The following FNDC3A variants were observed in gnomAD, a reference collection of about 807,000 sequenced individuals.
FNDC3A encodes fibronectin type III domain containing 3A, also known as fibronectin type-III domain-containing protein 3A.
In FNDC3A, 32 loss-of-function variants were observed where a neutral mutation model predicts 148.9. That is an observed-to-expected ratio of 0.21 (90% confidence interval 0.16 to 0.29). The LOEUF (loss-of-function observed/expected upper bound fraction) is 0.29. FNDC3A is among the 10% of genes least tolerant of loss of function. The pLI is 1.00. For missense variants in FNDC3A, 1,191 were observed against 1,452.8 expected, an observed-to-expected ratio of 0.82 and a Z score of 2.93; for synonymous variants, 472 against 473.6, an observed-to-expected ratio of 1.00 and a Z score of 0.04.
chr13:49,015,881 T>C (rs1226780996), intron 2 of FNDC3A, among the ~76,000 whole-genome samples: 10 of 151,346 alleles, frequency 6.6e-5, no homozygotes, highest in South Asian at 2.1e-4. Flanking sequence ...TTGTCTTTGG[T>C]TCTGTTTATA....
At chr13:49,086,460 A>G (rs1878822014) in intron 3 of FNDC3A, among the ~76,000 whole-genome samples, 1 of 152,196 alleles carries the variant, frequency 6.6e-6, no homozygotes, top group South Asian at 2.1e-4. Flanking sequence ...TACTAATTAC[A>G]TACCATGTCT....
At chr13:49,100,244 G>A (rs1292063576) in intron 3 of FNDC3A, among the ~76,000 whole-genome samples, 1 of 151,986 alleles carries the variant, frequency 6.6e-6, no homozygotes, top group Non-Finnish European at 1.5e-5. Flanking sequence ...CTCCCTCAGT[G>A]TAATTAAAAT....
chr13:49,074,226 C>T (rs1219079217), intron 2 of FNDC3A, among the ~76,000 whole-genome samples: 2 of 152,060 alleles, frequency 1.3e-5, no homozygotes, highest in Non-Finnish European at 2.9e-5. Context: ...TCCTTTATCC[C>T]TCACACTCCC....
chr13:49,095,422 A>G (rs1156819965), intron 3 of FNDC3A: 1 of 152,032 alleles, frequency 6.6e-6, no homozygotes, highest in Non-Finnish European at 1.5e-5. Flanking sequence ...GTTTACAACT[A>G]ATTGATCACA....
intron 25 of FNDC3A, among the ~76,000 whole-genome samples, chr13:49,205,900 A>G (rs1886621965): frequency 1.3e-5 from 2 of 152,198 alleles, no homozygotes; most frequent in Admixed American, 1.3e-4. Flanking sequence ...AATGAGACAG[A>G]GATCTTACTT....
chr13:49,024,457 A>G (rs894107549), intron 2 of FNDC3A, among the ~76,000 whole-genome samples: 2 of 152,062 alleles, frequency 1.3e-5, no homozygotes, highest in Non-Finnish European at 2.9e-5. Context: ...CCTGATGGAC[A>G]TAGACACAAA....
intron 2 of FNDC3A, among the ~76,000 whole-genome samples, chr13:49,045,301 G>A (rs905689900): frequency 2.6e-5 from 4 of 151,762 alleles, no homozygotes; most frequent in Admixed American, 6.6e-5. Context: ...CTACAAGTGC[G>A]TGCCACCACG....
chr13:48,975,416 G>A (rs1951581015), upstream of FNDC3A: 3 of 152,180 alleles, frequency 2.0e-5, no homozygotes, highest in Admixed American at 6.5e-5. Flanking sequence ...ATTTTTGCTT[G>A]CTATCCAGAT....
At chr13:49,153,834 T>C (rs1883476086) in intron 8 of FNDC3A, among the ~76,000 whole-genome samples, 1 of 114,012 alleles carries the variant, frequency 8.8e-6, no homozygotes, top group African/African-American at 3.5e-5. Context: ...GTTGTAGATA[T>C]GCGGCGTTAT....
At chr13:49,119,437 A>G (rs569398572) in intron 4 of FNDC3A, among the ~76,000 whole-genome samples, 1 of 152,204 alleles carries the variant, frequency 6.6e-6, no homozygotes, top group African/African-American at 2.4e-5. Flanking sequence ...GCCTCCTGCA[A>G]AGGATCACAG....
intron 9 of FNDC3A, among the ~76,000 whole-genome samples, chr13:49,168,047 A>G (rs962850868): frequency 2.0e-5 from 3 of 152,240 alleles, no homozygotes; most frequent in African/African-American, 7.2e-5. Context: ...CAGGTCTTCT[A>G]GTGTAATTTA....
intron 14 of FNDC3A, among the ~76,000 whole-genome samples, chr13:49,183,668 TA>T (rs1885417690): frequency 6.6e-6 from 1 of 152,224 alleles, no homozygotes; most frequent in Non-Finnish European, 1.5e-5. Context: ...AGAAGTGTTT[TA>T]AACCCATTTG....
chr13:49,087,669 T>C (rs1338477800), intron 3 of FNDC3A, among the ~76,000 whole-genome samples: 1 of 152,160 alleles, frequency 6.6e-6, no homozygotes, highest in Non-Finnish European at 1.5e-5. Context: ...ATTTTCACTT[T>C]AGGCAGATTT....
intron 4 of FNDC3A, among the ~76,000 whole-genome samples, chr13:49,124,697 TGCACA>T (rs1881582691): frequency 6.6e-6 from 1 of 152,170 alleles, no homozygotes; most frequent in Admixed American, 6.5e-5. Flanking sequence ...ATTGGTGTAC[TGCACA>T]GAGGCAGAAA....
intron 1 of FNDC3A, among the ~76,000 whole-genome samples, chr13:48,985,909 T>C (rs1311623401): frequency 1.3e-5 from 2 of 152,380 alleles, no homozygotes; most frequent in East Asian, 3.9e-4. Context: ...AAGGCTTTGT[T>C]ATGATTGGTC....
chr13:49,138,892 A>G, intron 7 of FNDC3A, 87 bp downstream of exon 7: 1 of 706,814 alleles, frequency 1.4e-6, no homozygotes, highest in Non-Finnish European at 2.3e-6. Context: ...TTTTTCTTTT[A>G]ACTTTTTATG....
chr13:49,099,417 T>C (rs893425402), intron 3 of FNDC3A, among the ~76,000 whole-genome samples: 1 of 152,114 alleles, frequency 6.6e-6, no homozygotes, highest in Non-Finnish European at 1.5e-5. Flanking sequence ...TTCAGTTTCC[T>C]GGTAGTAGTG....
rs201019670 is a variant in FNDC3A, at chr13:49,174,605, A to G, written c.1355+46A>G. 1,097 of 1,500,226 alleles carry G rather than the reference A, an allele frequency of 7.3e-4. 15 individuals are homozygous for G. Among genetic ancestry groups the G allele is most frequent in the Non-Finnish European group, 1.3e-4 (145 of 1,096,346 alleles). The allele number at this position is 1,500,226 out of a possible 1,614,324, so 92.9% of individuals were successfully genotyped here. ...GAATGTAAATATTTTTAGATTATCA[A>G]GTCAACGTCAATTGTATAATTATTT... On this transcript the variant is annotated intron_variant, in intron 12 of 25. Coordinates refer to ENST00000492622, the MANE Select transcript of FNDC3A (RefSeq NM_001079673.2).
chr13:49,072,776 G>C (rs557155924), intron 2 of FNDC3A, among the ~76,000 whole-genome samples: 1 of 152,162 alleles, frequency 6.6e-6, no homozygotes, highest in African/African-American at 2.4e-5. Context: ...GAGCCACCAT[G>C]CCCAGCTAAT....
Sources: allele counts gnomAD v4.1 joint callset (sites outside exome capture counted in the v4.1 genomes callset), GRCh38; gene constraint gnomAD v4.1.1; transcripts MANE v1.5; gene names NCBI Gene and HGNC (gene_info 2026-07-23, HGNC 2026-07-21).